The following SEM1 variants were observed in gnomAD, a reference collection of about 807,000 sequenced individuals.
SEM1 encodes 26S proteasome complex subunit SEM1.
A neutral mutation model predicts 12.7 loss-of-function variants in SEM1; 3 were observed. That is an observed-to-expected ratio of 0.24 (90% CI 0.11 to 0.61). The LOEUF (loss-of-function observed/expected upper bound fraction) is 0.61. Among genes scored for constraint, SEM1 ranks in the 20% least tolerant of loss-of-function variants. The probability of loss-of-function intolerance (pLI) is 0.88; values close to 1 mark genes in which losing one functional copy is unlikely to be tolerated. For synonymous variants in SEM1, 30 were observed against 27.8 expected (o/e 1.08, Z -0.25); for missense variants, 59 against 81.3 (o/e 0.73, Z 1.06).
In SEM1 at chr7:96,529,617, T is replaced by TAA. The variant is rs11442837; in HGVS notation, c.171-22921_171-22920dup. ...TCACTCATACAACTGCAGCTCTTGA[T>TAA]AAAAAAAAAATTGTAGTTCTTGAAG... On this transcript the variant is annotated intron_variant and NMD_transcript_variant, in intron 2 of 3. Transcript: ENST00000466986. Among the ~76,000 whole-genome samples, 1,178 of 150,544 alleles carry TAA rather than the reference T, an allele frequency of 7.8e-3. 13 individuals are homozygous for TAA. Among genetic ancestry groups the TAA allele is most frequent in the African/African-American group, 0.027 (1,104 of 41,192 alleles).
chr7:96,687,733 T>C (rs549366603), downstream of SEM1, among the ~76,000 whole-genome samples: 5 of 151,922 alleles, frequency 3.3e-5, no homozygotes, highest in Non-Finnish European at 7.4e-5. Context: ...TGTATACATA[T>C]GTAACTAACC....
chr7:96,662,859 A>G (rs1454331850), intron 2 of SEM1, among the ~76,000 whole-genome samples: 1 of 152,160 alleles, frequency 6.6e-6, no homozygotes, highest in East Asian at 1.9e-4. Context: ...TTAGAAGGCA[A>G]TATAGGAGAA....
intron 2 of SEM1, among the ~76,000 whole-genome samples, chr7:96,624,214 T>C (rs2116298967): frequency 6.6e-6 from 1 of 152,294 alleles, no homozygotes; most frequent in East Asian, 1.9e-4. Context: ...AATTTACTTT[T>C]ACGTGACTCA....
intron 2 of SEM1, among the ~76,000 whole-genome samples, chr7:96,553,746 C>T (rs1476772961): frequency 6.6e-6 from 1 of 152,036 alleles, no homozygotes; most frequent in Admixed American, 6.5e-5. Flanking sequence ...TCATTGGTAG[C>T]TTGATGGGGA....
intron 2 of SEM1, among the ~76,000 whole-genome samples, chr7:96,667,598 C>T (rs1789203870): frequency 6.6e-6 from 1 of 151,912 alleles, no homozygotes; most frequent in Non-Finnish European, 1.5e-5. Context: ...GCTGGAGGTT[C>T]ATTCAGGGAT....
intron 3 of SEM1, among the ~76,000 whole-genome samples, chr7:96,503,218 A>G (rs530487729): frequency 7.2e-5 from 11 of 152,284 alleles, no homozygotes; most frequent in Admixed American, 5.9e-4. Context: ...GATCCCCATT[A>G]TAACCTCCAA....
At chr7:96,563,754 C>T (rs929497495) in intron 2 of SEM1, among the ~76,000 whole-genome samples, 2 of 151,970 alleles carry the variant, frequency 1.3e-5, no homozygotes, top group Non-Finnish European at 1.5e-5. Flanking sequence ...ACTCCCAAAA[C>T]AATGGAGAAG....
At chr7:96,658,678 G>T (rs927284823) in intron 2 of SEM1, among the ~76,000 whole-genome samples, 1 of 152,138 alleles carries the variant, frequency 6.6e-6, no homozygotes, top group Non-Finnish European at 1.5e-5. Context: ...GTAATCAAGA[G>T]GTCTTTCCCT....
At chr7:96,667,457 A>C (rs1439155959) in intron 2 of SEM1, among the ~76,000 whole-genome samples, 1 of 152,206 alleles carries the variant, frequency 6.6e-6, no homozygotes, top group Non-Finnish European at 1.5e-5. Flanking sequence ...GGTTATGACA[A>C]TTAATTACCT....
intron 2 of SEM1, among the ~76,000 whole-genome samples, chr7:96,602,795 C>T (rs981408049): frequency 1.3e-5 from 2 of 152,176 alleles, no homozygotes; most frequent in South Asian, 2.1e-4. Flanking sequence ...ATTATTTCAA[C>T]ATTTTCTTCC....
intron 2 of SEM1, among the ~76,000 whole-genome samples, chr7:96,589,381 C>T (rs1345758095): frequency 1.3e-5 from 2 of 152,200 alleles, no homozygotes; most frequent in African/African-American, 4.8e-5. Flanking sequence ...TCTTCGGTCA[C>T]TGTATGTGCT....
Position 96,706,978 on chromosome 7 carries a change from A to G in SEM1, c.76+2710T>C, listed in dbSNP as rs1790487004. 2.0e-5 allele frequency among the ~76,000 whole-genome samples: 3 copies of G among 152,276 alleles called. No homozygotes were observed. In the South Asian group the frequency reaches 6.2e-4, roughly 31 times the overall value. The stretch of plus-strand genomic sequence containing the variant: ...TTTTCCAAAGTACAGAAAGAACTTG[A>G]AAGTAAATCAGGGCATTAATACTTG... On this transcript the variant is annotated intron_variant, in intron 1 of 2. Coordinates refer to ENST00000248566, the MANE Select transcript of SEM1 (RefSeq NM_006304.2).
intron 2 of SEM1, among the ~76,000 whole-genome samples, chr7:96,607,090 C>T (rs1317144754): frequency 3.9e-5 from 6 of 152,202 alleles, no homozygotes; most frequent in African/African-American, 7.2e-5. Context: ...CCTTGCCTCT[C>T]TTTATCAGCA....
chr7:96,686,697 C>G (rs998224557), downstream of SEM1, among the ~76,000 whole-genome samples: 14 of 152,160 alleles, frequency 9.2e-5, no homozygotes, highest in Middle Eastern at 3.4e-3. Context: ...AGAAGAAAAC[C>G]TAGGCATTAA....
At chr7:96,691,391 T>C (rs1486075436) in intron 2 of SEM1, among the ~76,000 whole-genome samples, 1 of 152,206 alleles carries the variant, frequency 6.6e-6, no homozygotes, top group East Asian at 1.9e-4. Context: ...AGTAAAGCAC[T>C]AATTATCATC....
At chr7:96,636,590 A>G (rs969952292) in intron 2 of SEM1, among the ~76,000 whole-genome samples, 3 of 152,060 alleles carry the variant, frequency 2.0e-5, no homozygotes, top group African/African-American at 7.2e-5. Context: ...AGGATCTCTA[A>G]AGTGTGTGTG....
intron 2 of SEM1, among the ~76,000 whole-genome samples, chr7:96,691,072 A>T (rs1789918277): frequency 6.6e-6 from 1 of 152,144 alleles, no homozygotes; most frequent in African/African-American, 2.4e-5. Flanking sequence ...CGCCTGGCCT[A>T]TACTGGCTTC....
At chr7:96,513,544 G>A (rs991315881) in intron 2 of SEM1, among the ~76,000 whole-genome samples, 12 of 151,984 alleles carry the variant, frequency 7.9e-5, no homozygotes, top group African/African-American at 2.7e-4. Flanking sequence ...TGTAAAGAAC[G>A]TAGGCTGGGT....
chr7:96,687,696 A>T (rs1476913530), downstream of SEM1, among the ~76,000 whole-genome samples: 1 of 152,054 alleles, frequency 6.6e-6, no homozygotes, highest in East Asian at 1.9e-4. Flanking sequence ...TGACGAGTTA[A>T]TGGGTGCAGC....
Sources: gnomAD v4.1 joint callset for allele counts (sites outside exome capture counted in the v4.1 genomes callset) on GRCh38, gnomAD v4.1.1 for gene constraint, MANE v1.5 for transcripts, NCBI Gene and HGNC (gene_info 2026-07-23, HGNC 2026-07-21) for gene names.